The following PRKCQ variants were observed in gnomAD, a reference collection of about 807,000 sequenced individuals.
PRKCQ encodes protein kinase C theta type.
Under a neutral mutation model 91.2 loss-of-function variants are expected in PRKCQ, and 41 were observed. That is an observed-to-expected ratio of 0.45 (90% CI 0.35 to 0.58). The LOEUF (loss-of-function observed/expected upper bound fraction) is 0.58. Among genes scored for constraint, PRKCQ ranks in the 20% least tolerant of loss-of-function variants. The pLI is 0.00. For missense variants in PRKCQ, 673 were observed against 896.5 expected (o/e 0.75, Z 3.18); for synonymous variants, 307 against 316.9 (o/e 0.97, Z 0.33).
intron 15 of PRKCQ, among the ~76,000 whole-genome samples, chr10:6,450,538 C>A (rs1301055739): frequency 6.6e-6 from 1 of 152,168 alleles, no homozygotes; most frequent in Non-Finnish European, 1.5e-5. Flanking sequence ...AGAAAGTTAA[C>A]AAGGATACCC....
intron 1 of PRKCQ, among the ~76,000 whole-genome samples, chr10:6,548,813 A>G (rs1456489083): frequency 6.6e-6 from 1 of 152,058 alleles, no homozygotes; most frequent in Non-Finnish European, 1.5e-5. Context: ...CAGCACACCA[A>G]CATGGCACAC....
chr10:6,398,980 C>T, the PRKCQ span, among the ~76,000 whole-genome samples: 4 of 152,208 alleles, frequency 2.6e-5, no homozygotes, highest in East Asian at 1.9e-4. Flanking sequence ...AGGCTGGTCT[C>T]GAACTTCTGA....
intron 1 of PRKCQ, among the ~76,000 whole-genome samples, chr10:6,565,767 T>C (rs779553636): frequency 8.5e-5 from 13 of 152,182 alleles, no homozygotes; most frequent in Non-Finnish European, 1.5e-4. Context: ...GCTTCAGAAC[T>C]TGGAATTATG....
At chr10:6,490,574 AAC>A (rs1837235628) in intron 8 of PRKCQ, among the ~76,000 whole-genome samples, 1 of 145,120 alleles carries the variant, frequency 6.9e-6, no homozygotes, top group Non-Finnish European at 1.5e-5. Flanking sequence ...AAAAAAAAAA[AAC>A]AAAGAAAAAC....
Position 6,466,500 on chromosome 10 carries a change from T to C in PRKCQ, c.1354-2096A>G, listed in dbSNP as rs1046872046. ...TATAGTATGTTGGATGCCCCACATTTAACCCTCCCAAGAGAACTGCAGGCT... is the reference window on the plus strand; with the variant it reads ...TATAGTATGTTGGATGCCCCACATTCAACCCTCCCAAGAGAACTGCAGGCT... On this transcript the variant is annotated intron_variant, in intron 12 of 17. Coordinates refer to ENST00000263125, the MANE Select transcript of PRKCQ (RefSeq NM_006257.5). 2.6e-5 allele frequency among the ~76,000 whole-genome samples: 4 copies of C among 152,340 alleles called. No individual in the cohort carries two copies. The East Asian group carries it at 7.7e-4, about 29-fold the overall frequency.
intron 17 of PRKCQ, among the ~76,000 whole-genome samples, chr10:6,429,871 A>G (rs746444797): frequency 7.2e-5 from 11 of 152,094 alleles, no homozygotes; most frequent in Non-Finnish European, 1.0e-4. Flanking sequence ...TTTGAACTAC[A>G]GGCATGCACC....
At chr10:6,443,467 G>A (rs1588663143) in intron 15 of PRKCQ, among the ~76,000 whole-genome samples, 3 of 152,322 alleles carry the variant, frequency 2.0e-5, no homozygotes, top group Admixed American at 2.0e-4. Context: ...ACACAGGGGA[G>A]TATCAGCCCT....
downstream of PRKCQ, among the ~76,000 whole-genome samples, chr10:6,422,767 G>A (rs1833035820): frequency 6.6e-6 from 1 of 152,198 alleles, no homozygotes. Context: ...TTCATCCGCA[G>A]TAGAGTGAAG....
At chr10:6,537,694 C>T (rs1839634845) in intron 1 of PRKCQ, among the ~76,000 whole-genome samples, 1 of 152,218 alleles carries the variant, frequency 6.6e-6, no homozygotes, top group Non-Finnish European at 1.5e-5. Flanking sequence ...GCTCTCTTCG[C>T]TGGTCCTTGC....
intron 12 of PRKCQ, among the ~76,000 whole-genome samples, chr10:6,468,051 A>C (rs1285302674): frequency 6.6e-6 from 1 of 152,226 alleles, no homozygotes; most frequent in Non-Finnish European, 1.5e-5. Flanking sequence ...AAAAAAAATG[A>C]TGATTAAATA....
intron 1 of PRKCQ, among the ~76,000 whole-genome samples, chr10:6,522,689 T>C (rs1160209976): frequency 6.6e-6 from 1 of 152,242 alleles, no homozygotes; most frequent in Non-Finnish European, 1.5e-5. Context: ...TGTATTACTA[T>C]AATTTAGTGG....
At chr10:6,523,753 G>GTAT (rs1839102789) in intron 1 of PRKCQ, among the ~76,000 whole-genome samples, 1 of 152,198 alleles carries the variant, frequency 6.6e-6, no homozygotes, top group Admixed American at 6.5e-5. Context: ...TGAATAGATA[G>GTAT]TCCCACTAAG....
At chr10:6,543,946 T>C (rs1051325237) in intron 1 of PRKCQ, among the ~76,000 whole-genome samples, 4 of 152,120 alleles carry the variant, frequency 2.6e-5, no homozygotes, top group Non-Finnish European at 4.4e-5. Flanking sequence ...AGGAAAGACA[T>C]GACCTCCAAC....
chr10:6,462,259 G>A, intron 14 of PRKCQ, 44 bp downstream of exon 14: 1 of 1,554,404 alleles, frequency 6.4e-7, no homozygotes, highest in Non-Finnish European at 8.9e-7. Flanking sequence ...ACTGAGCCAG[G>A]AAAGCCGATA....
At chr10:6,394,097 G>A in the PRKCQ span, among the ~76,000 whole-genome samples, 1 of 152,222 alleles carries the variant, frequency 6.6e-6, no homozygotes, top group Non-Finnish European at 1.5e-5. Context: ...GAATACATGT[G>A]AAAAGGAAGC....
intron 14 of PRKCQ, among the ~76,000 whole-genome samples, chr10:6,460,995 A>T (rs1234909660): frequency 6.6e-6 from 1 of 150,592 alleles, no homozygotes; most frequent in Admixed American, 6.6e-5. Flanking sequence ...TCCATTCCTC[A>T]TCCATCCATC....
downstream of PRKCQ, among the ~76,000 whole-genome samples, chr10:6,423,110 G>A (rs1198722959): frequency 3.3e-5 from 5 of 152,196 alleles, no homozygotes; most frequent in African/African-American, 4.8e-5. Flanking sequence ...GCAAAGGCAG[G>A]AGGCTGATGC....
the PRKCQ span, among the ~76,000 whole-genome samples, chr10:6,401,233 T>C: frequency 6.6e-6 from 1 of 152,184 alleles, no homozygotes; most frequent in African/African-American, 2.4e-5. Flanking sequence ...ACGGAAAACA[T>C]TGCAACCTGC....
chr10:6,577,073 A>AGC (rs1841267250), intron 1 of PRKCQ, among the ~76,000 whole-genome samples: 1 of 152,126 alleles, frequency 6.6e-6, no homozygotes. Flanking sequence ...AATTAATACT[A>AGC]TTAGCTTAAT....
Sources: gnomAD v4.1 joint callset for allele counts (sites outside exome capture counted in the v4.1 genomes callset) on GRCh38, gnomAD v4.1.1 for gene constraint, MANE v1.5 for transcripts, NCBI Gene and HGNC (gene_info 2026-07-23, HGNC 2026-07-21) for gene names.